FRMD4A: variants seen among roughly 807,000 people sequenced by gnomAD.
FRMD4A encodes FERM domain containing 4A, also known as FERM domain-containing protein 4A.
A neutral mutation model predicts 129.1 loss-of-function variants in FRMD4A; 29 were observed. The observed-to-expected ratio is 0.22, with a 90% confidence interval of 0.17 to 0.31. The LOEUF (loss-of-function observed/expected upper bound fraction) is 0.31, where lower values mean the gene tolerates loss of function less well. FRMD4A is among the 10% of genes least tolerant of loss of function. The pLI is 1.00. For missense variants in FRMD4A, 1,272 were observed against 1,375.8 expected (o/e 0.92, Z 1.19); for synonymous variants, 634 against 571.6 (o/e 1.11, Z -1.56).
At chr10:13,800,893 C>A (rs763515219) in intron 4 of FRMD4A, among the ~76,000 whole-genome samples, 1 of 152,206 alleles carries the variant, frequency 6.6e-6, no homozygotes, top group Non-Finnish European at 1.5e-5. Context: ...CTGGCAATTC[C>A]TTTGTTCCCG....
At chr10:13,921,831 T>A (rs1169937438) in intron 2 of FRMD4A, among the ~76,000 whole-genome samples, 1 of 152,196 alleles carries the variant, frequency 6.6e-6, no homozygotes, top group Non-Finnish European at 1.5e-5. Context: ...TGTGGCAACA[T>A]TTCCCTCCGT....
At position 13,969,549 on chromosome 10, in the gene FRMD4A, T is replaced by C. The variant is rs1295758413; in HGVS notation, c.46-110637A>G. ...GGCGGGGCTAGCCCACCCTGCTTAG[T>C]TGATTTAAAAGACAAAGAGTGCCAG... On this transcript the variant is annotated intron_variant, in intron 2 of 24. Transcript: ENST00000357447. Among the ~76,000 whole-genome samples the C allele has an allele frequency of 3.9e-5, 6 of 152,274 alleles. No individual in the cohort carries two copies. The South Asian group carries it at 8.3e-4, about 21-fold the overall frequency.
intron 3 of FRMD4A, 91 bp from the exon 4 acceptor site, chr10:13,810,999 GA>G: frequency 1.5e-6 from 1 of 656,992 alleles, no homozygotes. Context: ...TTTTTTCAAT[GA>G]AATGTCACAA....
Position 13,994,287 on chromosome 10 carries a change from C to A in FRMD4A, c.46-135375G>T, listed in dbSNP as rs1263612500. On this transcript the variant is annotated intron_variant, in intron 2 of 24. Coordinates refer to ENST00000357447, the MANE Select transcript of FRMD4A (RefSeq NM_018027.5). ...CTCTTCCTCCCGGGTTCAAGCAATT[C>A]CCCTGCCTCAGCCTCCCGAGTAGCT... is the stretch of plus-strand genomic sequence containing the variant. Among the ~76,000 whole-genome samples, 3 of 150,296 alleles carry A rather than the reference C, an allele frequency of 2.0e-5. No individual in the cohort carries two copies. The Admixed American group carries it at 2.0e-4, about 10-fold the overall frequency.
chr10:14,202,488 G>A (rs148301309), intron 2 of FRMD4A, among the ~76,000 whole-genome samples: 2,893 of 152,132 alleles, frequency 0.019, 69 homozygotes, highest in East Asian at 0.094. Context: ...TGCAACCTGC[G>A]CCTCCTGGGT....
intron 8 of FRMD4A, among the ~76,000 whole-genome samples, chr10:13,760,212 G>T (rs11258585): frequency 1.3e-5 from 2 of 151,820 alleles, no homozygotes; most frequent in African/African-American, 4.8e-5. Flanking sequence ...ATCGTACTGC[G>T]TGCAAAACTC....
chr10:13,922,539 G>A (rs2095085210), intron 2 of FRMD4A, among the ~76,000 whole-genome samples: 1 of 152,160 alleles, frequency 6.6e-6, no homozygotes, highest in Non-Finnish European at 1.5e-5. Context: ...GATTACAGGT[G>A]ATTATTTTCT....
chr10:14,294,634 G>A (rs11258998), intron 2 of FRMD4A, among the ~76,000 whole-genome samples: 48,070 of 152,034 alleles, frequency 0.32, 7,985 homozygotes, highest in Middle Eastern at 0.37. Flanking sequence ...ACATAAAGGC[G>A]TTTTCTCTAC....
chr10:13,688,982 C>A (rs2085377387), intron 15 of FRMD4A, among the ~76,000 whole-genome samples: 1 of 152,020 alleles, frequency 6.6e-6, no homozygotes, highest in Non-Finnish European at 1.5e-5. Context: ...GGATTACAGG[C>A]CTGAGCCATT....
intron 2 of FRMD4A, among the ~76,000 whole-genome samples, chr10:14,037,879 A>G (rs1354310517): frequency 6.6e-6 from 1 of 152,178 alleles, no homozygotes; most frequent in Non-Finnish European, 1.5e-5. Flanking sequence ...TGTTTCACAA[A>G]ATTTCCCCAA....
chr10:14,323,699 G>T (rs1341859307), intron 2 of FRMD4A, among the ~76,000 whole-genome samples: 2 of 152,156 alleles, frequency 1.3e-5, no homozygotes, highest in African/African-American at 4.8e-5. Context: ...AGAGTTATCA[G>T]CCAGTTGATT....
chr10:14,318,694 A>G (rs1401204465), intron 2 of FRMD4A, among the ~76,000 whole-genome samples: 1 of 152,168 alleles, frequency 6.6e-6, no homozygotes, highest in East Asian at 1.9e-4. Context: ...TCCTCTGAGT[A>G]AAGTCCCATA....
intron 3 of FRMD4A, among the ~76,000 whole-genome samples, chr10:13,829,279 C>T (rs1340505991): frequency 1.3e-5 from 2 of 152,160 alleles, no homozygotes; most frequent in Non-Finnish European, 2.9e-5. Context: ...AATCCCAGCA[C>T]TTTGGGGGTC....
chr10:13,651,947 C>G lies in FRMD4A; in HGVS notation c.3078G>C (p.Leu1026=), dbSNP rs776940562. The G allele has an allele frequency of 6.3e-7, 1 of 1,599,704 alleles. No individual in the cohort carries two copies. Among genetic ancestry groups the G allele is most frequent in the South Asian group, 1.1e-5 (1 of 90,744 alleles). The change falls in exon 24 of 25, where the codon CTG becomes CTC. Residue 1026 remains leucine (L), a synonymous_variant. Transcript: ENST00000357447. Reference sequence around the variant, plus strand: ...GGTGAGGTGGAGACTCAGACCCATCCAGAATGGGTGAGTTTTCTGTTGCTT... The same window carrying G: ...GGTGAGGTGGAGACTCAGACCCATCGAGAATGGGTGAGTTTTCTGTTGCTT... ...TGEATENSPI[L]DGSESPPHQS...
intron 16 of FRMD4A, among the ~76,000 whole-genome samples, chr10:13,671,568 G>A (rs933872259): frequency 4.6e-5 from 7 of 152,338 alleles, no homozygotes; most frequent in South Asian, 2.1e-4. Flanking sequence ...CTTGTTGTGG[G>A]TACAAGGACA....
At chr10:14,081,419 C>T (rs1835920909) in intron 2 of FRMD4A, among the ~76,000 whole-genome samples, 2 of 152,250 alleles carry the variant, frequency 1.3e-5, no homozygotes, top group South Asian at 2.1e-4. Context: ...GACAACAAAC[C>T]CACTGCCCAC....
intron 2 of FRMD4A, among the ~76,000 whole-genome samples, chr10:14,133,143 A>G (rs1351457619): frequency 2.0e-5 from 3 of 152,206 alleles, no homozygotes; most frequent in Non-Finnish European, 4.4e-5. Context: ...TCAATTTAGC[A>G]CATGATGAGG....
intron 15 of FRMD4A, chr10:13,693,550 G>A: frequency 8.3e-7 from 1 of 1,199,376 alleles, no homozygotes; most frequent in Non-Finnish European, 1.1e-6. Flanking sequence ...GGGCACATGA[G>A]CGGATTCCAC....
chr10:13,887,496 T>C (rs2094637956), intron 2 of FRMD4A, among the ~76,000 whole-genome samples: 2 of 151,996 alleles, frequency 1.3e-5, no homozygotes, highest in South Asian at 2.1e-4. Flanking sequence ...CTGGCCAACA[T>C]GGTGAAACCC....
Sources: allele counts gnomAD v4.1 joint callset (sites outside exome capture counted in the v4.1 genomes callset), GRCh38; gene constraint gnomAD v4.1.1; transcripts MANE v1.5; gene names NCBI Gene and HGNC (gene_info 2026-07-23, HGNC 2026-07-21).